Variants in TMEM117 observed in about 807,000 individuals in gnomAD.
The protein encoded by TMEM117 is transmembrane protein 117.
A neutral mutation model predicts 52.4 loss-of-function variants in TMEM117; 27 were observed. The observed-to-expected ratio is 0.51, with a 90% confidence interval of 0.38 to 0.71. TMEM117 has a LOEUF of 0.71. Among genes scored for constraint, TMEM117 ranks in the 30% least tolerant of loss-of-function variants. The pLI is 0.00. For missense variants in TMEM117, 556 were observed against 630.5 expected, an observed-to-expected ratio of 0.88 and a Z score of 1.26; for synonymous variants, 215 against 206.3, an observed-to-expected ratio of 1.04 and a Z score of -0.36.
chr12:44,202,342 G>A (rs980915838), intron 4 of TMEM117, among the ~76,000 whole-genome samples: 2 of 152,040 alleles, frequency 1.3e-5, no homozygotes, highest in African/African-American at 2.4e-5. Flanking sequence ...TATTTTTAAC[G>A]TGAAGCCATG....
intron 2 of TMEM117, among the ~76,000 whole-genome samples, chr12:43,890,363 C>A (rs1944079924): frequency 6.6e-6 from 1 of 152,044 alleles, no homozygotes; most frequent in Non-Finnish European, 1.5e-5. Flanking sequence ...ATAAATCTCA[C>A]CCCATGCAGT....
At chr12:44,055,334 A>G (rs1412450498) in intron 3 of TMEM117, among the ~76,000 whole-genome samples, 1 of 152,192 alleles carries the variant, frequency 6.6e-6, no homozygotes, top group Non-Finnish European at 1.5e-5. Context: ...AAAACATGCT[A>G]TGGCAAGAAA....
At chr12:43,966,174 G>A (rs527612778) in intron 3 of TMEM117, among the ~76,000 whole-genome samples, 4 of 152,208 alleles carry the variant, frequency 2.6e-5, no homozygotes, top group Admixed American at 1.3e-4. Flanking sequence ...TAGGTTGATT[G>A]CATGTCTTTG....
chr12:44,152,967 A>G (rs202175246), intron 4 of TMEM117, among the ~76,000 whole-genome samples: 2 of 150,688 alleles, frequency 1.3e-5, no homozygotes, highest in Non-Finnish European at 3.0e-5. Context: ...ACACACACAT[A>G]TTTTAGAATC....
chr12:44,024,493 A>G (rs185199525), intron 3 of TMEM117, among the ~76,000 whole-genome samples: 1 of 152,236 alleles, frequency 6.6e-6, no homozygotes, highest in African/African-American at 2.4e-5. Flanking sequence ...ATTATTTAGT[A>G]TCTCATAAAC....
intron 6 of TMEM117, among the ~76,000 whole-genome samples, chr12:44,307,691 G>A (rs566265327): frequency 1.3e-5 from 2 of 152,200 alleles, no homozygotes; most frequent in African/African-American, 2.4e-5. Context: ...ACTGCATCAT[G>A]TTTATTAGCA....
chr12:43,946,378 G>GTTTTTTT (rs1244597058), intron 3 of TMEM117, among the ~76,000 whole-genome samples: 19 of 113,468 alleles, frequency 1.7e-4, no homozygotes, highest in Admixed American at 4.3e-4. Flanking sequence ...ATATAATTCT[G>GTTTTTTT]TTTTTTTTTT....
intron 3 of TMEM117, among the ~76,000 whole-genome samples, chr12:43,985,050 A>G (rs1005798819): frequency 2.0e-5 from 3 of 152,176 alleles, no homozygotes; most frequent in Admixed American, 6.5e-5. Flanking sequence ...TTGCATATTA[A>G]TAAACTAGGA....
At chr12:44,124,491 G>A (rs1022264376) in intron 3 of TMEM117, among the ~76,000 whole-genome samples, 8 of 152,174 alleles carry the variant, frequency 5.3e-5, no homozygotes, top group Admixed American at 3.9e-4. Context: ...AGTTTTCAAG[G>A]GGAATGCTTC....
At chr12:44,374,790 G>C (rs1404291707) in intron 6 of TMEM117, among the ~76,000 whole-genome samples, 1 of 152,038 alleles carries the variant, frequency 6.6e-6, no homozygotes, top group African/African-American at 2.4e-5. Context: ...ATTCAAAAGT[G>C]TCGTTCTAAA....
rs144187601 is a variant in TMEM117, at chr12:44,040,830, G to A, written c.410+96488G>A. Among the ~76,000 whole-genome samples the A allele has an allele frequency of 3.3e-3, 498 of 152,224 alleles. 4 individuals carry two copies. The highest frequency in any genetic ancestry group is 0.011 in the African/African-American group (456 of 41,530). ...AAAAATTTGTTTTTATTATTCATGAGTGGGTGTCAGATTTCATAGCATGAT... is the reference window on the plus strand; with the variant it reads ...AAAAATTTGTTTTTATTATTCATGAATGGGTGTCAGATTTCATAGCATGAT... On this transcript the variant is annotated intron_variant, in intron 3 of 7. Coordinates refer to ENST00000266534, the MANE Select transcript of TMEM117 (RefSeq NM_032256.3).
intron 3 of TMEM117, among the ~76,000 whole-genome samples, chr12:43,964,364 G>A (rs1172408168): frequency 6.6e-6 from 1 of 152,042 alleles, no homozygotes; most frequent in African/African-American, 2.4e-5. Flanking sequence ...ACTACTACAT[G>A]AGACCACTCC....
the TMEM117 span, chr12:43,799,455 A>G: frequency 1.9e-6 from 3 of 1,610,380 alleles, no homozygotes; most frequent in East Asian, 6.7e-5. Context: ...GGGCAGGGGA[A>G]GATTGTGACA....
chr12:43,860,022 T>C (rs1410414122), intron 2 of TMEM117, among the ~76,000 whole-genome samples: 1 of 152,108 alleles, frequency 6.6e-6, no homozygotes, highest in Non-Finnish European at 1.5e-5. Flanking sequence ...TGTCATTGAG[T>C]TTCTTCTTCT....
At chr12:44,212,061 T>C (rs568895894) in intron 5 of TMEM117, among the ~76,000 whole-genome samples, 7 of 152,326 alleles carry the variant, frequency 4.6e-5, no homozygotes, top group Non-Finnish European at 8.8e-5. Flanking sequence ...AGAAAAGTTA[T>C]GTAAACTAAC....
intron 7 of TMEM117, among the ~76,000 whole-genome samples, chr12:44,377,618 G>T (rs1951960233): frequency 6.6e-6 from 1 of 152,192 alleles, no homozygotes; most frequent in South Asian, 2.1e-4. Flanking sequence ...ACAAGAAGCA[G>T]ACAGCTGAAT....
intron 3 of TMEM117, among the ~76,000 whole-genome samples, chr12:43,996,642 C>CAATAAATA (rs71091192): frequency 0.68 from 99,130 of 145,132 alleles, 38,591 homozygotes; most frequent in Non-Finnish European, 0.85. Context: ...GACTCCATCT[C>CAATAAATA]AATAAATAAA....
At chr12:43,930,541 T>C (rs1285473334) in intron 2 of TMEM117, among the ~76,000 whole-genome samples, 1 of 152,196 alleles carries the variant, frequency 6.6e-6, no homozygotes, top group Non-Finnish European at 1.5e-5. Flanking sequence ...CTCATCTAAG[T>C]GCATTTTCTT....
intron 5 of TMEM117, among the ~76,000 whole-genome samples, chr12:44,232,875 C>T (rs2138456870): frequency 6.6e-6 from 1 of 151,196 alleles, no homozygotes; most frequent in East Asian, 1.9e-4. Context: ...ATATTACTAG[C>T]ACTTGGTATT....
Sources: gnomAD v4.1 joint callset for allele counts (sites outside exome capture counted in the v4.1 genomes callset) on GRCh38, gnomAD v4.1.1 for gene constraint, MANE v1.5 for transcripts, NCBI Gene and HGNC (gene_info 2026-07-23, HGNC 2026-07-21) for gene names.